Variants in RNF114 observed in about 807,000 individuals in gnomAD.
The protein encoded by RNF114 is ring finger protein 114, also known as E3 ubiquitin-protein ligase RNF114.
RNF114 carries 6 observed loss-of-function variants against 28.4 expected under a neutral mutation model. That is an observed-to-expected ratio of 0.21 (90% CI 0.12 to 0.42). The LOEUF is 0.42. Among genes scored for constraint, RNF114 ranks in the 10% least tolerant of loss-of-function variants. The pLI, the probability that RNF114 is intolerant of heterozygous loss-of-function variation, is 1.00. For missense variants in RNF114, 249 were observed against 311.7 expected, an observed-to-expected ratio of 0.80 and a Z score of 1.51; for synonymous variants, 115 against 116.7, an observed-to-expected ratio of 0.99 and a Z score of 0.09.
At chr20:49,939,012 G>A (rs1309839922) in intron 1 of RNF114, among the ~76,000 whole-genome samples, 1 of 152,094 alleles carries the variant, frequency 6.6e-6, no homozygotes, top group Non-Finnish European at 1.5e-5. Flanking sequence ...TGGCCCCCAA[G>A]GTCTGCCTGC....
In RNF114 at chr20:49,952,339, C is replaced by G. The variant is rs1349102624; in HGVS notation, c.*198C>G. 1.7e-6 allele frequency: 1 copy of G among 584,972 alleles called. No individual in the cohort carries two copies. The highest frequency in any genetic ancestry group is 1.8e-5 in the African/African-American group (1 of 54,086). The allele number at this position is 584,972 out of a possible 1,614,324, so 36.2% of individuals were successfully genotyped here. A position where few individuals can be genotyped will look rare whatever the true frequency, so the allele number is the denominator to read the frequency against. ...CCCTTTGGGCTCTTGCCAAAGCTGTCTTCCCCTACTGTTAACCTTGTTTGT... is the reference window on the plus strand; with the variant it reads ...CCCTTTGGGCTCTTGCCAAAGCTGTGTTCCCCTACTGTTAACCTTGTTTGT... On this transcript the variant is annotated 3_prime_UTR_variant, in exon 6 of 6. Transcript: ENST00000244061.
intron 4 of RNF114, among the ~76,000 whole-genome samples, chr20:49,947,470 C>G (rs2090337410): frequency 6.6e-6 from 1 of 152,034 alleles, no homozygotes; most frequent in African/African-American, 2.4e-5. Flanking sequence ...TGTGAGAGTA[C>G]TAGGGCAGCT....
In RNF114 at chr20:49,952,305, C is replaced by T. The variant is rs907480110; in HGVS notation, c.*164C>T. 2 of 637,816 alleles carry T rather than the reference C, an allele frequency of 3.1e-6. No individual in the cohort carries two copies. The highest frequency in any genetic ancestry group is 5.8e-6 in the Non-Finnish European group (2 of 347,418). The allele number at this position is 637,816 out of a possible 1,614,324, so 39.5% of individuals were successfully genotyped here. On this transcript the variant is annotated 3_prime_UTR_variant, in exon 6 of 6. Coordinates refer to ENST00000244061, the MANE Select transcript of RNF114 (RefSeq NM_018683.4). ...AGGGGAAGTGGGTCCCCAGGTCAGC[C>T]CTTCTCTTCCCTTTGGGCTCTTGCC...
In RNF114 at chr20:49,949,108, A is replaced by G. The variant is rs575165064; in HGVS notation, c.514-140A>G. The G allele has an allele frequency of 6.2e-6, 4 of 644,442 alleles. No homozygotes were observed. The Admixed American group carries it at 1.1e-4, about 18-fold the overall frequency. 39.9% of individuals were successfully genotyped at this position (644,442 alleles called of 1,614,324 possible). On this transcript the variant is annotated intron_variant, in intron 4 of 5. Coordinates refer to ENST00000244061, the MANE Select transcript of RNF114 (RefSeq NM_018683.4). ...TTTGCAGTGTTTTTTTGGGCTGCTG[A>G]TGTGCACAGGAAGGAGTTACTGGCC...
At chr20:49,943,774 T>C (rs937152744) in intron 2 of RNF114, among the ~76,000 whole-genome samples, 115 of 141,808 alleles carry the variant, frequency 8.1e-4, no homozygotes, top group Non-Finnish European at 1.2e-3. Flanking sequence ...TTCTCCTGCC[T>C]CAGCCTCCTG....
At position 49,946,461 on chromosome 20, in the gene RNF114, T is replaced by TGCACCCTGAATACTTC. The variant is rs1315340392; in HGVS notation, c.513+221_513+236dup. Among the ~76,000 whole-genome samples the TGCACCCTGAATACTTC allele has an allele frequency of 2.6e-5, 4 of 152,164 alleles. No homozygotes were observed. The South Asian group carries it at 6.2e-4, about 24-fold the overall frequency. On this transcript the variant is annotated intron_variant, in intron 4 of 5. Transcript: ENST00000244061. ...AAGCTACAGATACCATGACCATTTT[T>TGCACCCTGAATACTTC]GCACCCTGAATACTTCGCACCCTGA...
intron 2 of RNF114, chr20:49,941,989 G>A (rs2146855087): frequency 2.7e-6 from 1 of 364,078 alleles, no homozygotes. Context: ...TTATGGCCAG[G>A]CGCGGTGGCT....
intron 2 of RNF114, among the ~76,000 whole-genome samples, chr20:49,942,628 G>A (rs1342135306): frequency 6.6e-6 from 1 of 152,152 alleles, no homozygotes; most frequent in Admixed American, 6.5e-5. Context: ...TTCTAGACCA[G>A]CCTGGACAAC....
rs180907450 is a variant in RNF114 at position 49,941,502 on chromosome 20, A to G, written c.141-59A>G. 137 of 1,505,130 alleles carry G rather than the reference A, an allele frequency of 9.1e-5. No individual in the cohort carries two copies. The African/African-American group carries it at 1.7e-3, about 18-fold the overall frequency. The allele number at this position is 1,505,130 out of a possible 1,614,324, so 93.2% of individuals were successfully genotyped here. Reference sequence around the variant, plus strand: ...TTGATGTCTTTTTAAAAGTTGATCCATATTTGTCGTCTTGTCTCCATGATG... The same window carrying G: ...TTGATGTCTTTTTAAAAGTTGATCCGTATTTGTCGTCTTGTCTCCATGATG... On this transcript the variant is annotated intron_variant, in intron 1 of 5. Transcript: ENST00000244061.
chr20:49,951,496 C>G (rs2090355156), intron 5 of RNF114, among the ~76,000 whole-genome samples: 1 of 152,108 alleles, frequency 6.6e-6, no homozygotes, highest in African/African-American at 2.4e-5. Flanking sequence ...TACAAATGTT[C>G]TGAGCACTTG....
Position 49,953,004 on chromosome 20 carries a change from CA to C in RNF114, c.*869del, listed in dbSNP as rs1280999084. 1 of 152,164 alleles carries C rather than the reference CA, an allele frequency of 6.6e-6. No individual in the cohort carries two copies. The highest frequency in any genetic ancestry group is 1.5e-5 in the Non-Finnish European group (1 of 68,016). The allele number at this position is 152,164 out of a possible 1,614,324, so 9.4% of individuals were successfully genotyped here. The stretch of plus-strand genomic sequence containing the variant: ...TGCCTACATTCTTGTTCTAGAAGCA[CA>C]AAAAATCCTCAGATGAATTAGAAGA... On this transcript the variant is annotated 3_prime_UTR_variant, in exon 6 of 6. Transcript: ENST00000244061.
Position 49,949,315 on chromosome 20 carries a change from A to G in RNF114, c.581A>G (p.His194Arg), listed in dbSNP as rs772186536. The G allele has an allele frequency of 6.2e-7, 1 of 1,614,150 alleles. No individual in the cohort carries two copies. The highest frequency in any genetic ancestry group is 1.1e-5 in the South Asian group (1 of 91,082). Residue 194 changes from histidine to arginine, a missense_variant, in exon 5 of 6, where the codon CAC (histidine) becomes CGC (arginine). Physicochemically the swap from His to Arg is conservative, Grantham distance 29 (BLOSUM62 0). Transcript: ENST00000244061. ...PNYRSANFREHIQRRHRFSYD... is the reference protein window; with the variant it reads ...PNYRSANFRERIQRRHRFSYD... ...TACCGCAGCGCCAACTTCAGAGAGC[A>G]CATCCAGCGCCGGCACCGGTTTTCT...
At chr20:49,945,551 A>ACCT in intron 3 of RNF114, 63 bp downstream of exon 3, 26 of 977,864 alleles carry the variant, frequency 2.7e-5, no homozygotes, top group Non-Finnish European at 3.8e-5. Flanking sequence ...AAGAGGTTGC[A>ACCT]TGCCCAGGGG....
rs1366640129 is a variant in RNF114 at position 49,936,460 on chromosome 20, G to C, written c.48G>C (p.Gly16=). ...GCGGGGGTGCTGCGCAGCTGGCGGGGCCGGCGGCGGAGGCTGACCCCCTAG... is the reference window on the plus strand; with the variant it reads ...GCGGGGGTGCTGCGCAGCTGGCGGGCCCGGCGGCGGAGGCTGACCCCCTAG... ...RDCGGAAQLA[G]PAAEADPLGR... is the part of the protein sequence containing the mutation. Residue 16 remains glycine, a synonymous_variant, in exon 1 of 6, where the codon GGG becomes GGC. Transcript: ENST00000244061. 6.5e-7 allele frequency: 1 copy of C among 1,549,706 alleles called. No homozygotes were observed. The highest frequency in any genetic ancestry group is 1.2e-5 in the South Asian group (1 of 83,910).
chr20:49,942,614 G>A (rs2090312048), intron 2 of RNF114, among the ~76,000 whole-genome samples: 1 of 152,130 alleles, frequency 6.6e-6, no homozygotes, highest in Admixed American at 6.5e-5. Context: ...CTTGAGTCCA[G>A]GAGTTCTAGA....
At chr20:49,940,268 C>G (rs1416157430) in intron 1 of RNF114, among the ~76,000 whole-genome samples, 1 of 152,018 alleles carries the variant, frequency 6.6e-6, no homozygotes, top group East Asian at 1.9e-4. Flanking sequence ...TCTTCCCTTC[C>G]TCTGCTAGCT....
chr20:49,943,170 G>A (rs897491591), intron 2 of RNF114, among the ~76,000 whole-genome samples: 1 of 152,076 alleles, frequency 6.6e-6, no homozygotes, highest in African/African-American at 2.4e-5. Context: ...TTTCAATGCT[G>A]AATAGGGCTA....
At chr20:49,938,549 CTG>C (rs1274226336) in intron 1 of RNF114, among the ~76,000 whole-genome samples, 1 of 152,210 alleles carries the variant, frequency 6.6e-6, no homozygotes, top group Non-Finnish European at 1.5e-5. Flanking sequence ...CCCTGAATGA[CTG>C]TGTTCTCCAA....
At chr20:49,936,667 G>A in intron 1 of RNF114, 115 bp downstream of exon 1, 2 of 1,329,570 alleles carry the variant, frequency 1.5e-6, no homozygotes, top group Non-Finnish European at 2.0e-6. Context: ...GGGGCCTCCC[G>A]GGGGTGTCCC....
Sources: gnomAD v4.1 joint callset for allele counts (sites outside exome capture counted in the v4.1 genomes callset) on GRCh38, gnomAD v4.1.1 for gene constraint, MANE v1.5 for transcripts, NCBI Gene and HGNC (gene_info 2026-07-23, HGNC 2026-07-21) for gene names.